AGAP1: variants seen among roughly 807,000 people sequenced by gnomAD.
AGAP1 encodes the protein arf-GAP with GTPase, ANK repeat and PH domain-containing protein 1.
A neutral mutation model predicts 105.3 loss-of-function variants in AGAP1; 29 were observed. The ratio of observed to expected loss-of-function variants is 0.28; its 90% CI spans 0.21 to 0.38. The LOEUF is 0.38. AGAP1 is among the 10% of genes least tolerant of loss of function. The pLI is 1.00. For missense variants in AGAP1, 998 were observed against 1,165.1 expected (o/e 0.86, Z 2.09); for synonymous variants, 509 against 485.9 (o/e 1.05, Z -0.63).
intron 9 of AGAP1, among the ~76,000 whole-genome samples, chr2:235,840,930 C>T (rs919411584): frequency 1.3e-5 from 2 of 151,872 alleles, no homozygotes; most frequent in Non-Finnish European, 2.9e-5. Context: ...AAGGCAGAAT[C>T]CCCAGAAAGC....
At position 235,566,311 on chromosome 2, in the gene AGAP1, G is replaced by T. The variant is rs1175045517; in HGVS notation, c.163+71462G>T. On this transcript the variant is annotated intron_variant, in intron 1 of 17. Coordinates refer to ENST00000304032, the MANE Select transcript of AGAP1 (RefSeq NM_001037131.3). This position sits in a 1 kb window ranked among gnomAD's most constrained non-coding sequence, Gnocchi z 5.2. ...TCTCCATGTTTGTCAGGCTGGTCTC[G>T]AACTGCCTTGGCCTCCTAAAGTGTT... 6.6e-6 allele frequency among the ~76,000 whole-genome samples: 1 copy of T among 152,076 alleles called. No homozygotes were observed. Among genetic ancestry groups the T allele is most frequent in the Non-Finnish European group, 1.5e-5 (1 of 68,022 alleles).
intron 16 of AGAP1, among the ~76,000 whole-genome samples, chr2:236,075,044 C>A (rs1559250089): frequency 6.6e-6 from 1 of 152,100 alleles, no homozygotes; most frequent in Non-Finnish European, 1.5e-5. Flanking sequence ...TAGAGACAGA[C>A]CTTCTCTCAA....
At chr2:235,985,419 A>G (rs1287511223) in intron 13 of AGAP1, among the ~76,000 whole-genome samples, 1 of 152,146 alleles carries the variant, frequency 6.6e-6, no homozygotes, top group Non-Finnish European at 1.5e-5. Flanking sequence ...CTCTGATGAT[A>G]GTTTCTTTTG....
chr2:235,825,088 A>G (rs1958993510), intron 9 of AGAP1, among the ~76,000 whole-genome samples: 1 of 152,224 alleles, frequency 6.6e-6, no homozygotes, highest in South Asian at 2.1e-4. Context: ...TATTGAAAGA[A>G]AATGAGACCT....
chr2:235,739,399 C>G lies in AGAP1; in HGVS notation c.311-1564C>G, dbSNP rs74975911. ...AGGGACCCTGAGTCTTTGGGACCCT[C>G]GTGCAGCTGGGGCTCACCCTGTCTG... On this transcript the variant is annotated intron_variant, in intron 3 of 17. Transcript: ENST00000304032. The surrounding 1 kb of genome is among the most constrained non-coding windows in gnomAD (Gnocchi z 5.3). 2.0e-5 allele frequency among the ~76,000 whole-genome samples: 3 copies of G among 152,344 alleles called. No individual in the cohort carries two copies. In the South Asian group the frequency reaches 6.2e-4, roughly 32 times the overall value.
At position 235,889,546 on chromosome 2, in the gene AGAP1, C is replaced by CTTTTT. The variant is rs5839611; in HGVS notation, c.1155+6109_1155+6113dup. On this transcript the variant is annotated intron_variant, in intron 10 of 17. Coordinates refer to ENST00000304032, the MANE Select transcript of AGAP1 (RefSeq NM_001037131.3). The surrounding 1 kb of genome is among the most constrained non-coding windows in gnomAD (Gnocchi z 4.6). Reference sequence around the variant, plus strand: ...CGTCATCCCCCAAAAGTGTCTTTGCCTTTTTTTTTTTTTTTTAGCCCTGAG... The same window carrying CTTTTT: ...CGTCATCCCCCAAAAGTGTCTTTGCCTTTTTTTTTTTTTTTTTTTTTAGCCCTGAG... Among the ~76,000 whole-genome samples, 3 of 140,978 alleles carry CTTTTT rather than the reference C, an allele frequency of 2.1e-5. No individual in the cohort carries two copies. Among genetic ancestry groups the CTTTTT allele is most frequent in the Non-Finnish European group, 3.1e-5 (2 of 64,846 alleles). 92.5% of individuals were successfully genotyped at this position (140,978 alleles called of 152,430 possible).
chr2:236,063,011 A>G (rs754957808), intron 16 of AGAP1, among the ~76,000 whole-genome samples: 24 of 152,040 alleles, frequency 1.6e-4, no homozygotes, highest in Non-Finnish European at 2.8e-4. Flanking sequence ...CCAGGCAGGG[A>G]TCCTGGCCTC....
At chr2:235,539,060 T>C (rs1307640318) in intron 1 of AGAP1, among the ~76,000 whole-genome samples, 1 of 152,164 alleles carries the variant, frequency 6.6e-6, no homozygotes, top group African/African-American at 2.4e-5. Context: ...ATTGCAAGCT[T>C]TCAGGGTGAG....
chr2:236,109,620 G>A lies in AGAP1; in HGVS notation c.2115-10572G>A, dbSNP rs907251252. 6.6e-6 allele frequency among the ~76,000 whole-genome samples: 1 copy of A among 151,632 alleles called. No individual in the cohort carries two copies. Among genetic ancestry groups the A allele is most frequent in the African/African-American group, 2.4e-5 (1 of 41,282 alleles). On this transcript the variant is annotated intron_variant, in intron 16 of 17. Transcript: ENST00000304032. The surrounding 1 kb of genome is among the most constrained non-coding windows in gnomAD (Gnocchi z 5.4). The stretch of plus-strand genomic sequence containing the variant: ...GAATGTCCTAGTCGGCAGCAGTGTC[G>A]GTGTTCTAGACCGGCAGCCGTGGGA...
intron 6 of AGAP1, chr2:235,783,516 C>T (rs565719457): frequency 3.4e-4 from 123 of 360,698 alleles, no homozygotes; most frequent in South Asian, 2.4e-3. Flanking sequence ...GACCTTGTGA[C>T]GTCCCTGTCA....
chr2:235,869,185 T>TATA (rs929862192), intron 9 of AGAP1, among the ~76,000 whole-genome samples: 8 of 152,104 alleles, frequency 5.3e-5, no homozygotes, highest in African/African-American at 1.7e-4. Flanking sequence ...GGGTAACAAG[T>TATA]ATAAACCCTT....
chr2:235,767,450 T>C (rs2696388), intron 6 of AGAP1, among the ~76,000 whole-genome samples: 38,826 of 152,180 alleles, frequency 0.26, 5,334 homozygotes, highest in Admixed American at 0.4. Flanking sequence ...TCAGCCTCTG[T>C]GCAGCCGTTG....
At chr2:235,534,241 G>A (rs940472741) in intron 1 of AGAP1, among the ~76,000 whole-genome samples, 7 of 152,158 alleles carry the variant, frequency 4.6e-5, no homozygotes, top group African/African-American at 1.7e-4. Flanking sequence ...GACCGATAGC[G>A]TGCGCATGGT....
rs376822078 is a variant in AGAP1 at position 235,787,734 on chromosome 2, A to G, written c.674-10025A>G. Among the ~76,000 whole-genome samples the G allele has an allele frequency of 4.7e-4, 71 of 152,354 alleles. No homozygotes were observed. The highest frequency in any genetic ancestry group is 1.6e-3 in the African/African-American group (67 of 41,588). ...TAAAGGGAAAAGCAGCCAACTCCACATATTAAAGAATGGGCAGCAACTTGC... is the reference window on the plus strand; with the variant it reads ...TAAAGGGAAAAGCAGCCAACTCCACGTATTAAAGAATGGGCAGCAACTTGC... On this transcript the variant is annotated intron_variant, in intron 6 of 17. Coordinates refer to ENST00000304032, the MANE Select transcript of AGAP1 (RefSeq NM_001037131.3). This position sits in a 1 kb window ranked among gnomAD's most constrained non-coding sequence, Gnocchi z 4.4.
intron 1 of AGAP1, among the ~76,000 whole-genome samples, chr2:235,671,360 T>A (rs1488900114): frequency 6.6e-6 from 1 of 152,184 alleles, no homozygotes; most frequent in Non-Finnish European, 1.5e-5. Context: ...TCGCTGGGTC[T>A]TCTGCGGGAG....
chr2:235,795,199 G>A (rs1242474395), intron 6 of AGAP1, among the ~76,000 whole-genome samples: 2 of 152,172 alleles, frequency 1.3e-5, no homozygotes, highest in African/African-American at 4.8e-5. Context: ...CTGCTGGGTT[G>A]TGTGGGGAAG....
rs897470569 is a variant in AGAP1, at chr2:235,970,242, A to C, written c.1645+1619A>C. Among the ~76,000 whole-genome samples, 6 of 149,292 alleles carry C rather than the reference A, an allele frequency of 4.0e-5. No individual in the cohort carries two copies. Among genetic ancestry groups the C allele is most frequent in the African/African-American group, 1.5e-4 (6 of 40,430 alleles). On this transcript the variant is annotated intron_variant, in intron 13 of 17. Transcript: ENST00000304032. The surrounding 1 kb of genome is among the most constrained non-coding windows in gnomAD (Gnocchi z 5.4). ...AAAAAAAAAAAAGACGATTTTTCTC[A>C]TGTTGTGGGGAGTGAGGATAATCCC... is the stretch of plus-strand genomic sequence containing the variant.
rs1553615546 is a variant in AGAP1 at position 235,728,326 on chromosome 2, T to TGCGCGC, written c.310+10685_310+10686insCGCGCG. ...CTGTGTGTGTGTGTGTGTGTGTGTGTGCGTGCTCTTAAATCAATGTAAATT... is the reference window on the plus strand; with the variant it reads ...CTGTGTGTGTGTGTGTGTGTGTGTGTGCGCGCGCGTGCTCTTAAATCAATGTAAATT... On this transcript the variant is annotated intron_variant, in intron 3 of 17. Transcript: ENST00000304032. The surrounding 1 kb of genome is among the most constrained non-coding windows in gnomAD (Gnocchi z 4.3). Among the ~76,000 whole-genome samples, 7 of 151,714 alleles carry TGCGCGC rather than the reference T, an allele frequency of 4.6e-5. No homozygotes were observed. In the South Asian group the frequency reaches 6.3e-4, roughly 14 times the overall value.
In AGAP1 at chr2:235,612,389, C is replaced by A. The variant is rs548503759; in HGVS notation, c.164-96790C>A. Among the ~76,000 whole-genome samples, 16 of 152,278 alleles carry A rather than the reference C, an allele frequency of 1.1e-4. No homozygotes were observed. Among genetic ancestry groups the A allele is most frequent in the African/African-American group, 3.1e-4 (13 of 41,552 alleles). ...GTGCATAATCAGAGGGCAAGGACAG[C>A]AGTAAATAATTTATGTCAGCTGGAG... On this transcript the variant is annotated intron_variant, in intron 1 of 17. Transcript: ENST00000304032. This position sits in a 1 kb window ranked among gnomAD's most constrained non-coding sequence, Gnocchi z 4.3.
Sources: gnomAD v4.1 joint callset for allele counts (sites outside exome capture counted in the v4.1 genomes callset) on GRCh38, gnomAD v4.1.1 for gene constraint, Gnocchi (gnomAD v3.1) non-coding constraint, MANE v1.5 for transcripts, NCBI Gene and HGNC (gene_info 2026-07-23, HGNC 2026-07-21) for gene names.